The following VWA8 variants were observed in gnomAD, a reference collection of about 807,000 sequenced individuals.
VWA8 encodes von Willebrand factor A domain containing 8.
In VWA8, 221 loss-of-function variants were observed where a neutral mutation model predicts 241.5. That is an observed-to-expected ratio of 0.91 (90% CI 0.82 to 1.02). The LOEUF is 1.02. Ranked by LOEUF, VWA8 falls within the 50% of genes least tolerant of loss-of-function variation. The pLI is 0.00. For synonymous variants in VWA8, 852 were observed against 827.1 expected (o/e 1.03, Z -0.52); for missense variants, 2,322 against 2,328.7 (o/e 1.00, Z 0.06).
intron 21 of VWA8, among the ~76,000 whole-genome samples, chr13:41,748,495 CTTT>C (rs985734349): frequency 1.1e-4 from 16 of 152,016 alleles, no homozygotes; most frequent in African/African-American, 3.6e-4. Context: ...CTCTTTTCTT[CTTT>C]ATTAGTCTTG....
intron 21 of VWA8, among the ~76,000 whole-genome samples, chr13:41,757,647 A>G (rs1463191927): frequency 6.6e-6 from 1 of 151,594 alleles, no homozygotes. Context: ...CTTTATGTCC[A>G]TGGATACTCA....
chr13:41,832,573 A>C, intron 13 of VWA8, among the ~76,000 whole-genome samples: 2 of 151,768 alleles, frequency 1.3e-5, no homozygotes, highest in Non-Finnish European at 2.9e-5. Flanking sequence ...GAAAAAAAAA[A>C]CTCTAAGTGG....
intron 42 of VWA8, among the ~76,000 whole-genome samples, chr13:41,583,334 A>G (rs1052841657): frequency 1.3e-5 from 2 of 152,140 alleles, no homozygotes; most frequent in Admixed American, 1.3e-4. Flanking sequence ...GAAAGCAACC[A>G]GAAAATCCAG....
chr13:41,919,843 C>A (rs1047630872), intron 2 of VWA8, among the ~76,000 whole-genome samples: 1 of 152,086 alleles, frequency 6.6e-6, no homozygotes, highest in Non-Finnish European at 1.5e-5. Context: ...GACCTAGCAC[C>A]TCCTCCAACC....
intron 3 of VWA8, among the ~76,000 whole-genome samples, chr13:41,911,184 C>T (rs1180854061): frequency 6.6e-6 from 1 of 151,668 alleles, no homozygotes; most frequent in African/African-American, 2.4e-5. Context: ...CTGCCTCAGC[C>T]TCCCGAGTAG....
intron 14 of VWA8, among the ~76,000 whole-genome samples, chr13:41,825,181 G>C (rs1871128287): frequency 6.6e-6 from 1 of 152,182 alleles, no homozygotes; most frequent in Admixed American, 6.5e-5. Context: ...ATGGCAACAA[G>C]TGTGTCATCT....
intron 2 of VWA8, among the ~76,000 whole-genome samples, chr13:41,933,263 T>C (rs921833577): frequency 6.6e-6 from 1 of 151,936 alleles, no homozygotes; most frequent in Non-Finnish European, 1.5e-5. Flanking sequence ...TGACAAAACA[T>C]ATGCAAGACC....
chr13:41,772,403 A>G (rs1325431171), intron 20 of VWA8, among the ~76,000 whole-genome samples: 1 of 152,160 alleles, frequency 6.6e-6, no homozygotes, highest in African/African-American at 2.4e-5. Flanking sequence ...ATAAATAGCC[A>G]TCTCTCTTTT....
chr13:41,633,341 AC>A (rs1479831340), intron 37 of VWA8, among the ~76,000 whole-genome samples: 3 of 152,192 alleles, frequency 2.0e-5, no homozygotes, highest in Admixed American at 2.0e-4. Flanking sequence ...AGCACCAGGC[AC>A]AGTCTTGGTA....
chr13:41,568,645 G>GAATC (rs762059836), intron 44 of VWA8, among the ~76,000 whole-genome samples: 3 of 152,136 alleles, frequency 2.0e-5, no homozygotes, highest in Non-Finnish European at 4.4e-5. Context: ...GATTCATATG[G>GAATC]AATCAGCTCA....
chr13:41,901,921 CAT>C (rs1230195486), intron 4 of VWA8, among the ~76,000 whole-genome samples: 5 of 101,732 alleles, frequency 4.9e-5, no homozygotes, highest in African/African-American at 7.2e-5. Context: ...TATACACACA[CAT>C]ATATATTTGC....
intron 37 of VWA8, among the ~76,000 whole-genome samples, chr13:41,625,981 G>A (rs1035682314): frequency 3.7e-5 from 5 of 136,030 alleles, no homozygotes; most frequent in Non-Finnish European, 6.4e-5. Context: ...CTATCGCAAG[G>A]ACAAAAAACC....
chr13:41,888,572 A>G (rs1197984479), intron 5 of VWA8, among the ~76,000 whole-genome samples: 1 of 152,208 alleles, frequency 6.6e-6, no homozygotes, highest in African/African-American at 2.4e-5. Flanking sequence ...CCGTAAACAC[A>G]AGGGTCAGTC....
At chr13:41,726,111 A>G (rs1445142541) in intron 24 of VWA8, among the ~76,000 whole-genome samples, 1 of 152,082 alleles carries the variant, frequency 6.6e-6, no homozygotes, top group Admixed American at 6.6e-5. Context: ...TGTTTCAATT[A>G]CTATTTTGAG....
intron 37 of VWA8, among the ~76,000 whole-genome samples, chr13:41,670,208 G>A (rs557623868): frequency 6.6e-6 from 1 of 151,986 alleles, no homozygotes; most frequent in Non-Finnish European, 1.5e-5. Context: ...ACGTGAACAG[G>A]AGAAGTTTTG....
intron 38 of VWA8, 83 bp downstream of exon 38, chr13:41,614,893 G>T: frequency 7.3e-7 from 1 of 1,361,294 alleles, no homozygotes; most frequent in Non-Finnish European, 1.0e-6. Context: ...CCGTCTCTGA[G>T]TCTTCTCAGG....
intron 37 of VWA8, among the ~76,000 whole-genome samples, chr13:41,628,093 T>C (rs2044704701): frequency 6.6e-6 from 1 of 152,148 alleles, no homozygotes; most frequent in African/African-American, 2.4e-5. Context: ...ACAAAATCTC[T>C]GTAACAGGGC....
At chr13:41,836,680 T>C (rs1593805456) in intron 12 of VWA8, among the ~76,000 whole-genome samples, 1 of 152,204 alleles carries the variant, frequency 6.6e-6, no homozygotes, top group East Asian at 1.9e-4. Flanking sequence ...CTTATTCAAG[T>C]AAGTAAACAT....
chr13:41,881,937 G>GGCCTGGCGGGGGCTGACCCC, intron 9 of VWA8, among the ~76,000 whole-genome samples: 2 of 151,298 alleles, frequency 1.3e-5, no homozygotes, highest in African/African-American at 4.9e-5. Context: ...CGGGGTGGCT[G>GGCCTGGCGGGGGCTGACCCC]CTGGGCGGAG....
Sources: allele counts gnomAD v4.1 joint callset (sites outside exome capture counted in the v4.1 genomes callset), GRCh38; gene constraint gnomAD v4.1.1; transcripts MANE v1.5; gene names NCBI Gene and HGNC (gene_info 2026-07-23, HGNC 2026-07-21).